CHL1: variants seen among roughly 807,000 people sequenced by gnomAD.
CHL1 encodes the protein neural cell adhesion molecule L1-like protein.
A neutral mutation model predicts 141.9 loss-of-function variants in CHL1; 96 were observed. That is an observed-to-expected ratio of 0.68 (90% CI 0.57 to 0.80). The LOEUF is 0.80. Ranked by LOEUF, CHL1 falls within the 30% of genes least tolerant of loss-of-function variation. The probability of loss-of-function intolerance (pLI) is 0.00; values close to 1 mark genes in which losing one functional copy is unlikely to be tolerated. For synonymous variants in CHL1, 613 were observed against 502.2 expected (o/e 1.22, Z -2.95); for missense variants, 1,820 against 1,457.2 (o/e 1.25, Z -4.05).
chr3:240,108 C>G (rs11715492), intron 1 of CHL1, among the ~76,000 whole-genome samples: 41,841 of 152,034 alleles, frequency 0.28, 6,195 homozygotes, highest in African/African-American at 0.38. Context: ...GGGTAGATAC[C>G]CAGTAGTGGG....
intron 1 of CHL1, among the ~76,000 whole-genome samples, chr3:216,317 C>G (rs1039376724): frequency 6.6e-6 from 1 of 152,166 alleles, no homozygotes; most frequent in Non-Finnish European, 1.5e-5. Flanking sequence ...ATAGTTTTCT[C>G]TTTCCTTTTT....
intron 2 of CHL1, among the ~76,000 whole-genome samples, chr3:283,597 A>C (rs1170902098): frequency 6.6e-6 from 1 of 152,226 alleles, no homozygotes; most frequent in African/African-American, 2.4e-5. Context: ...GTTGTCTAAT[A>C]AATACATGTT....
intron 3 of CHL1, 31 bp from the exon 4 acceptor site, chr3:325,926 AGT>A (rs766717858): frequency 4.6e-5 from 66 of 1,429,882 alleles, no homozygotes; most frequent in South Asian, 1.9e-4. Context: ...CTGTTTGAAT[AGT>A]GTGTTTTTAA....
intron 1 of CHL1, among the ~76,000 whole-genome samples, chr3:234,849 C>G (rs961790185): frequency 6.6e-6 from 1 of 152,132 alleles, no homozygotes; most frequent in Non-Finnish European, 1.5e-5. Context: ...TAAACAAAGA[C>G]CCTTTGTACA....
chr3:309,871 C>A (rs181159128), intron 2 of CHL1, among the ~76,000 whole-genome samples: 374 of 152,170 alleles, frequency 2.5e-3, no homozygotes, highest in African/African-American at 8.5e-3. Flanking sequence ...TGTAATCAAA[C>A]ATTATATATA....
At chr3:290,206 A>G (rs1697555767) in intron 2 of CHL1, among the ~76,000 whole-genome samples, 1 of 152,158 alleles carries the variant, frequency 6.6e-6, no homozygotes, top group Admixed American at 6.5e-5. Context: ...ATAGACCATG[A>G]AAAAACCACT....
At chr3:385,200 T>C (rs898454246) in intron 19 of CHL1, among the ~76,000 whole-genome samples, 4 of 152,172 alleles carry the variant, frequency 2.6e-5, no homozygotes, top group East Asian at 1.9e-4. Flanking sequence ...GTAGATAATA[T>C]AGTTGGTTAG....
intron 2 of CHL1, among the ~76,000 whole-genome samples, chr3:281,360 G>C (rs1334809050): frequency 6.6e-6 from 1 of 151,998 alleles, no homozygotes; most frequent in African/African-American, 2.4e-5. Context: ...CAAGTGCTTG[G>C]GTACTGTGCT....
chr3:286,027 T>C (rs555334328), intron 2 of CHL1, among the ~76,000 whole-genome samples: 1 of 152,302 alleles, frequency 6.6e-6, no homozygotes, highest in Admixed American at 6.5e-5. Flanking sequence ...ATGAACATAA[T>C]ATGTAATGAA....
chr3:391,633 T>G (rs763970459), intron 22 of CHL1, 42 bp from the exon 23 acceptor site: 44 of 1,478,624 alleles, frequency 3.0e-5, no homozygotes, highest in African/African-American at 4.3e-5. Context: ...TTTTGAATTT[T>G]TCTAATTGAT....
chr3:203,419 C>A (rs1452760503), intron 1 of CHL1, among the ~76,000 whole-genome samples: 1 of 152,248 alleles, frequency 6.6e-6, no homozygotes, highest in Non-Finnish European at 1.5e-5. Flanking sequence ...CCTTGATGTT[C>A]TTGAAAGACA....
Position 328,301 on chromosome 3 carries a change from C to T in CHL1, c.332C>T (p.Ala111Val), listed in dbSNP as rs1482579285. Residue 111 changes from alanine to valine, a missense_variant, in exon 5 of 28, where the codon GCT (alanine) becomes GTT (valine). Transcript: ENST00000256509. ...SHFQGKYRCFASNKLGIAMSE... is the reference protein window; with the variant it reads ...SHFQGKYRCFVSNKLGIAMSE... ...TTTCAAGGGAAATACCGCTGCTTTG[C>T]TTCAAATAAACTGGGAATCGCTATG... 5 of 1,612,026 alleles carry T rather than the reference C, an allele frequency of 3.1e-6. No homozygotes were observed. In the East Asian group the frequency reaches 6.7e-5, roughly 22 times the overall value.
chr3:291,814 C>G (rs1413301040), intron 2 of CHL1, among the ~76,000 whole-genome samples: 1 of 152,144 alleles, frequency 6.6e-6, no homozygotes, highest in Non-Finnish European at 1.5e-5. Context: ...AGTCCAGTAA[C>G]TTGGCTAACA....
At chr3:218,126 G>A (rs764611) in intron 1 of CHL1, among the ~76,000 whole-genome samples, 2,781 of 152,272 alleles carry the variant, frequency 0.018, 95 homozygotes, top group African/African-American at 0.063. Flanking sequence ...CAAGGTTTAC[G>A]ATACGTGTTT....
At chr3:222,642 G>C (rs996470726) in intron 1 of CHL1, among the ~76,000 whole-genome samples, 5 of 152,140 alleles carry the variant, frequency 3.3e-5, no homozygotes, top group Non-Finnish European at 5.9e-5. Context: ...TTCAGAGACA[G>C]GCACTATTTT....
intron 2 of CHL1, among the ~76,000 whole-genome samples, chr3:260,966 C>T (rs762895140): frequency 5.2e-4 from 79 of 152,246 alleles, no homozygotes; most frequent in Non-Finnish European, 8.8e-4. Flanking sequence ...TTCCGTCGGC[C>T]TTATTTATTG....
chr3:214,871 T>C (rs1040270446), intron 1 of CHL1, among the ~76,000 whole-genome samples: 1 of 152,112 alleles, frequency 6.6e-6, no homozygotes, highest in African/African-American at 2.4e-5. Context: ...AAAAGATTAA[T>C]TATGTATGCC....
intron 1 of CHL1, among the ~76,000 whole-genome samples, chr3:204,221 G>A (rs2087688412): frequency 1.3e-5 from 2 of 152,208 alleles, no homozygotes; most frequent in Admixed American, 1.3e-4. Context: ...CTATGGTAAT[G>A]GTTGGCATTT....
At position 200,731 on chromosome 3, in the gene CHL1, C is replaced by G. The variant is rs73088631; in HGVS notation, c.-175+3668C>G. On this transcript the variant is annotated intron_variant, in intron 1 of 27. Transcript: ENST00000256509. ...GTAGAATTGGCATTGAGCCTTTTCTCTGCTATTAAAGTGAAATCTCTTATA... is the reference window on the plus strand; with the variant it reads ...GTAGAATTGGCATTGAGCCTTTTCTGTGCTATTAAAGTGAAATCTCTTATA... Among the ~76,000 whole-genome samples the G allele has an allele frequency of 1.5e-3, 234 of 152,280 alleles. 1 individual carries two copies. Among genetic ancestry groups the G allele is most frequent in the African/African-American group, 5.3e-3 (219 of 41,578 alleles).
Sources: gnomAD v4.1 joint callset for allele counts (sites outside exome capture counted in the v4.1 genomes callset) on GRCh38, gnomAD v4.1.1 for gene constraint, MANE v1.5 for transcripts, NCBI Gene and HGNC (gene_info 2026-07-23, HGNC 2026-07-21) for gene names.